PLS1: variants seen among roughly 807,000 people sequenced by gnomAD.
The protein encoded by PLS1 is plastin 1.
Under a neutral mutation model 73.7 loss-of-function variants are expected in PLS1, and 32 were observed. The observed-to-expected ratio is 0.43, with a 90% confidence interval of 0.33 to 0.58. PLS1 has a LOEUF of 0.58. Ranked by LOEUF, PLS1 falls within the 20% of genes least tolerant of loss-of-function variation. The pLI is 0.04. For missense variants in PLS1, 633 were observed against 740.5 expected (o/e 0.85, Z 1.68); for synonymous variants, 217 against 261.3 (o/e 0.83, Z 1.63).
At chr3:142,643,749 T>C (rs1175481323) in intron 1 of PLS1, among the ~76,000 whole-genome samples, 1 of 152,272 alleles carries the variant, frequency 6.6e-6, no homozygotes, top group East Asian at 1.9e-4. Context: ...TAGAATATAT[T>C]AGTTGAATTC....
intron 1 of PLS1, among the ~76,000 whole-genome samples, chr3:142,632,671 T>A (rs1329920014): frequency 1.3e-5 from 2 of 151,842 alleles, no homozygotes; most frequent in Non-Finnish European, 2.9e-5. Context: ...TGATCCCAAC[T>A]CAATATAACA....
chr3:142,695,337 T>A (rs563307139), intron 11 of PLS1, among the ~76,000 whole-genome samples: 1 of 152,234 alleles, frequency 6.6e-6, no homozygotes, highest in Non-Finnish European at 1.5e-5. Context: ...ATTTATGATG[T>A]TGTAATTTCT....
intron 1 of PLS1, among the ~76,000 whole-genome samples, chr3:142,634,942 A>G (rs1420004726): frequency 4.0e-5 from 6 of 150,364 alleles, no homozygotes; most frequent in Admixed American, 1.3e-4. Flanking sequence ...TCTTTTAGAG[A>G]CAGTTTCTCA....
At chr3:142,666,660 A>G (rs1353963339) in intron 2 of PLS1, among the ~76,000 whole-genome samples, 1 of 152,142 alleles carries the variant, frequency 6.6e-6, no homozygotes, top group Non-Finnish European at 1.5e-5. Flanking sequence ...GAGTGTAAAC[A>G]TAGTAGCGGA....
At chr3:142,598,057 G>A (rs2035843457) in intron 1 of PLS1, among the ~76,000 whole-genome samples, 1 of 152,154 alleles carries the variant, frequency 6.6e-6, no homozygotes, top group African/African-American at 2.4e-5. Flanking sequence ...CATGCTGCAA[G>A]GTGTAGCTCA....
chr3:142,605,622 C>G (rs2036004289), intron 1 of PLS1, among the ~76,000 whole-genome samples: 1 of 152,170 alleles, frequency 6.6e-6, no homozygotes, highest in Non-Finnish European at 1.5e-5. Flanking sequence ...TTCAGTCTAG[C>G]TCCAAATCTA....
chr3:142,618,305 G>C (rs912261231), intron 1 of PLS1, among the ~76,000 whole-genome samples: 1 of 152,030 alleles, frequency 6.6e-6, no homozygotes, highest in Non-Finnish European at 1.5e-5. Context: ...CTGTTCTCTC[G>C]TGGACAATCC....
chr3:142,676,891 T>C (rs2037736200), intron 5 of PLS1, among the ~76,000 whole-genome samples: 1 of 152,202 alleles, frequency 6.6e-6, no homozygotes, highest in Admixed American at 6.5e-5. Context: ...AAAAATATCC[T>C]TACCACCCAT....
intron 14 of PLS1, among the ~76,000 whole-genome samples, chr3:142,707,830 G>T (rs888789549): frequency 6.6e-6 from 1 of 152,142 alleles, no homozygotes; most frequent in South Asian, 2.1e-4. Context: ...GCTAAGGGGG[G>T]AGTGTGGGAC....
intron 1 of PLS1, among the ~76,000 whole-genome samples, chr3:142,605,076 C>T (rs2035995535): frequency 6.6e-6 from 1 of 152,114 alleles, no homozygotes; most frequent in African/African-American, 2.4e-5. Context: ...TGATCAGAAC[C>T]ATGGATGAGA....
intron 12 of PLS1, among the ~76,000 whole-genome samples, chr3:142,701,177 C>T (rs965759593): frequency 6.6e-6 from 1 of 152,160 alleles, no homozygotes; most frequent in Non-Finnish European, 1.5e-5. Context: ...TGCATAGGTT[C>T]TTCATCTTTT....
At chr3:142,711,264 T>C (rs186336988) in intron 14 of PLS1, among the ~76,000 whole-genome samples, 103 of 152,284 alleles carry the variant, frequency 6.8e-4, no homozygotes, top group African/African-American at 2.4e-3. Context: ...ACTTAGGAGC[T>C]ATCATGTCCA....
intron 1 of PLS1, among the ~76,000 whole-genome samples, chr3:142,614,102 T>C (rs918817253): frequency 2.6e-5 from 4 of 152,160 alleles, no homozygotes; most frequent in African/African-American, 9.7e-5. Context: ...TTACCATCTC[T>C]CTCCTCACCC....
At chr3:142,611,807 T>A (rs931107690) in intron 1 of PLS1, among the ~76,000 whole-genome samples, 1 of 152,188 alleles carries the variant, frequency 6.6e-6, no homozygotes, top group African/African-American at 2.4e-5. Context: ...CATTTACTAT[T>A]ACATATATTA....
intron 12 of PLS1, among the ~76,000 whole-genome samples, chr3:142,703,289 A>ATTTTTTTTTTTTTTTTTTTTTTTTTTTT: frequency 9.5e-6 from 1 of 105,072 alleles, no homozygotes; most frequent in Non-Finnish European, 1.9e-5. Context: ...ATAGTCAAGA[A>ATTTTTTTTTTTTTTTTTTTTTTTTTTTT]TTTTTTTTTT....
intron 14 of PLS1, among the ~76,000 whole-genome samples, chr3:142,710,653 A>T (rs1463454023): frequency 2.6e-5 from 4 of 152,142 alleles, no homozygotes; most frequent in African/African-American, 7.2e-5. Context: ...ATAGAGCAAA[A>T]ATATGGGTTC....
chr3:142,653,518 G>A (rs531447198), intron 1 of PLS1, among the ~76,000 whole-genome samples: 11 of 151,750 alleles, frequency 7.2e-5, no homozygotes, highest in African/African-American at 2.4e-4. Context: ...AAGCCACCAC[G>A]GCCGGCTAAT....
At chr3:142,616,541 C>G (rs1468298450) in intron 1 of PLS1, among the ~76,000 whole-genome samples, 2 of 152,086 alleles carry the variant, frequency 1.3e-5, no homozygotes. Context: ...GACTGCAGTA[C>G]TATTTGCTTT....
chr3:142,649,016 T>G (rs903696170), intron 1 of PLS1, among the ~76,000 whole-genome samples: 4 of 152,186 alleles, frequency 2.6e-5, no homozygotes, highest in African/African-American at 9.7e-5. Context: ...ATTGCTTTTT[T>G]CTCTTTACAT....
Sources: gnomAD v4.1 joint callset for allele counts (sites outside exome capture counted in the v4.1 genomes callset) on GRCh38, gnomAD v4.1.1 for gene constraint, MANE v1.5 for transcripts, NCBI Gene and HGNC (gene_info 2026-07-23, HGNC 2026-07-21) for gene names.